Variants in KATNBL1 observed in about 807,000 individuals in gnomAD.
KATNBL1 encodes the protein katanin regulatory subunit B1 like 1.
A neutral mutation model predicts 44.7 loss-of-function variants in KATNBL1; 28 were observed. The ratio of observed to expected loss-of-function variants is 0.63; its 90% confidence interval spans 0.46 to 0.86. KATNBL1 has a LOEUF of 0.86. Among genes scored for constraint, KATNBL1 ranks in the 40% least tolerant of loss-of-function variants. The pLI is 0.00. For synonymous variants in KATNBL1, 78 were observed against 114.9 expected, an observed-to-expected ratio of 0.68 and a Z score of 2.06; for missense variants, 272 against 350.7, an observed-to-expected ratio of 0.78 and a Z score of 1.79.
At chr15:34,167,466 G>A (rs1819865737) in intron 1 of KATNBL1, among the ~76,000 whole-genome samples, 1 of 133,564 alleles carries the variant, frequency 7.5e-6, no homozygotes, top group African/African-American at 3.1e-5. Flanking sequence ...CCAAATCTAT[G>A]TTTGATTGTG....
At chr15:34,194,370 A>G (rs1889975352) in intron 1 of KATNBL1, among the ~76,000 whole-genome samples, 1 of 152,156 alleles carries the variant, frequency 6.6e-6, no homozygotes, top group Non-Finnish European at 1.5e-5. Flanking sequence ...GCACTTTGAA[A>G]GGCCAAGGCG....
chr15:34,187,096 T>A (rs1360678454), intron 1 of KATNBL1, among the ~76,000 whole-genome samples: 1 of 152,054 alleles, frequency 6.6e-6, no homozygotes, highest in Non-Finnish European at 1.5e-5. Context: ...GAGTGGAGTA[T>A]CCTCTCTGCT....
chr15:34,188,280 G>C (rs528736117), intron 1 of KATNBL1, among the ~76,000 whole-genome samples: 1 of 151,994 alleles, frequency 6.6e-6, no homozygotes, highest in South Asian at 2.1e-4. Context: ...AATGAGCTGG[G>C]TGTGGTGGCT....
chr15:34,205,157 C>A (rs1890262697), intron 1 of KATNBL1, among the ~76,000 whole-genome samples: 2 of 152,204 alleles, frequency 1.3e-5, no homozygotes, highest in South Asian at 4.2e-4. Context: ...CCACACCCAA[C>A]TAATTTTTTG....
At chr15:34,171,012 G>C (rs544788717) in intron 1 of KATNBL1, among the ~76,000 whole-genome samples, 1 of 152,292 alleles carries the variant, frequency 6.6e-6, no homozygotes, top group South Asian at 2.1e-4. Flanking sequence ...TACCATTCAG[G>C]ACACAGACAT....
At chr15:34,184,323 T>A (rs1889654811) in intron 1 of KATNBL1, among the ~76,000 whole-genome samples, 2 of 103,410 alleles carry the variant, frequency 1.9e-5, no homozygotes, top group Admixed American at 1.8e-4. Flanking sequence ...AAAAATTAGC[T>A]GGGCGTGGTG....
intron 1 of KATNBL1, among the ~76,000 whole-genome samples, chr15:34,191,273 T>C: frequency 6.6e-6 from 1 of 150,908 alleles, no homozygotes; most frequent in East Asian, 1.9e-4. Flanking sequence ...TATTCCTTTT[T>C]ATTGTTAACA....
intron 1 of KATNBL1, among the ~76,000 whole-genome samples, chr15:34,182,838 C>A (rs1336038313): frequency 6.6e-6 from 1 of 152,054 alleles, no homozygotes; most frequent in Non-Finnish European, 1.5e-5. Flanking sequence ...TTGCCAGAGA[C>A]AGGGAAGGAA....
At chr15:34,162,353 C>G (rs1311079319) in intron 2 of KATNBL1, among the ~76,000 whole-genome samples, 1 of 152,148 alleles carries the variant, frequency 6.6e-6, no homozygotes, top group African/African-American at 2.4e-5. Flanking sequence ...TTCTCATTCT[C>G]TCGTCTGCTG....
At chr15:34,176,391 T>C (rs1889334223) in intron 1 of KATNBL1, among the ~76,000 whole-genome samples, 1 of 150,954 alleles carries the variant, frequency 6.6e-6, no homozygotes, top group Admixed American at 6.6e-5. Flanking sequence ...AAAAAAAAAG[T>C]AGTACCAATA....
intron 4 of KATNBL1, among the ~76,000 whole-genome samples, chr15:34,150,088 T>C (rs935071904): frequency 7.9e-5 from 12 of 152,228 alleles, no homozygotes; most frequent in Non-Finnish European, 1.6e-4. Context: ...TAAGATGTTA[T>C]GGTATCACTT....
intron 1 of KATNBL1, among the ~76,000 whole-genome samples, chr15:34,199,097 G>A (rs1006788613): frequency 6.6e-6 from 1 of 152,080 alleles, no homozygotes; most frequent in Non-Finnish European, 1.5e-5. Context: ...ACCCCATCAG[G>A]TTACCTGTAT....
chr15:34,188,136 G>GCAAAAAAAAAAAAAAAAAAAA lies in KATNBL1; in HGVS notation c.-15+21814_-15+21815insTTTTTTTTTTTTTTTTTTTTG, dbSNP rs1394136257. 1.1e-3 allele frequency among the ~76,000 whole-genome samples: 7 copies of GCAAAAAAAAAAAAAAAAAAAA among 6,578 alleles called. 1 individual carries two copies. Among genetic ancestry groups the GCAAAAAAAAAAAAAAAAAAAA allele is most frequent in the Non-Finnish European group, 3.1e-3 (7 of 2,266 alleles). The allele number at this position is 6,578 out of a possible 152,430, so 4.3% of individuals were successfully genotyped here. A position where few individuals can be genotyped will look rare whatever the true frequency, so the allele number is the denominator to read the frequency against. ...CCTGGGTGACAGAGGAAGACGCCAT[G>GCAAAAAAAAAAAAAAAAAAAA]TAAAAAAAAAAAAAAAAAAAAAAAA... On this transcript the variant is annotated intron_variant, in intron 1 of 9. Transcript: ENST00000256544.
intron 1 of KATNBL1, among the ~76,000 whole-genome samples, chr15:34,206,883 A>G (rs1460418975): frequency 6.6e-6 from 1 of 152,198 alleles, no homozygotes; most frequent in African/African-American, 2.4e-5. Context: ...ATTAGGTTTA[A>G]GGTGTTTAAT....
intron 1 of KATNBL1, among the ~76,000 whole-genome samples, chr15:34,194,644 G>A (rs1314165264): frequency 1.3e-5 from 2 of 152,024 alleles, no homozygotes; most frequent in East Asian, 3.9e-4. Flanking sequence ...GGAAGGGAAA[G>A]CCTCTGCATA....
intron 1 of KATNBL1, among the ~76,000 whole-genome samples, chr15:34,177,633 T>TAAAAAAAA (rs10524351): frequency 1.1e-5 from 1 of 91,906 alleles, no homozygotes; most frequent in African/African-American, 3.9e-5. Flanking sequence ...AACTCTGTCT[T>TAAAAAAAA]AAAAAAAAAA....
intron 1 of KATNBL1, among the ~76,000 whole-genome samples, chr15:34,183,304 G>A (rs1410289194): frequency 6.6e-6 from 1 of 152,216 alleles, no homozygotes; most frequent in Admixed American, 6.5e-5. Flanking sequence ...GCCAATGGGA[G>A]TTAAAACTTA....
At chr15:34,150,787 T>G (rs564411848) in intron 4 of KATNBL1, among the ~76,000 whole-genome samples, 3 of 152,328 alleles carry the variant, frequency 2.0e-5, no homozygotes, top group Admixed American at 2.0e-4. Flanking sequence ...AGGCCTCATG[T>G]CTGTTGTTCC....
chr15:34,203,330 A>G (rs1269782388), intron 1 of KATNBL1, among the ~76,000 whole-genome samples: 1 of 151,930 alleles, frequency 6.6e-6, no homozygotes, highest in Non-Finnish European at 1.5e-5. Flanking sequence ...TTCCATTTCC[A>G]TTACCACCAT....
Sources: allele counts gnomAD v4.1 joint callset (sites outside exome capture counted in the v4.1 genomes callset), GRCh38; gene constraint gnomAD v4.1.1; transcripts MANE v1.5; gene names NCBI Gene and HGNC (gene_info 2026-07-23, HGNC 2026-07-21).